The following LRRC4B variants were observed in gnomAD, a reference collection of about 807,000 sequenced individuals.
LRRC4B encodes the protein leucine-rich repeat-containing protein 4B.
Under a neutral mutation model 7.3 loss-of-function variants are expected in LRRC4B, and 1 was observed. The observed-to-expected ratio is 0.14, with a 90% CI of 0.05 to 0.65. The LOEUF is 0.65. Ranked by LOEUF, LRRC4B falls within the 30% of genes least tolerant of loss-of-function variation. The pLI, the probability that LRRC4B is intolerant of heterozygous loss-of-function variation, is 0.84. For synonymous variants in LRRC4B, 500 were observed against 499.2 expected, an observed-to-expected ratio of 1.00 and a Z score of -0.02; for missense variants, 730 against 1,041.6, an observed-to-expected ratio of 0.70 and a Z score of 4.12.
intron 2 of LRRC4B, among the ~76,000 whole-genome samples, chr19:50,535,948 A>G (rs11880845): frequency 1.5e-3 from 233 of 152,342 alleles, no homozygotes; most frequent in African/African-American, 5.3e-3. Flanking sequence ...GGCATGTGCA[A>G]GACCAAGCAA....
intron 1 of LRRC4B, among the ~76,000 whole-genome samples, chr19:50,561,005 C>G (rs1004831120): frequency 6.6e-6 from 1 of 152,104 alleles, no homozygotes; most frequent in Admixed American, 6.6e-5. Context: ...ACAGGAGAAT[C>G]GCTTGAACCT....
chr19:50,525,133 G>A (rs936930919), intron 2 of LRRC4B, among the ~76,000 whole-genome samples: 2 of 152,164 alleles, frequency 1.3e-5, no homozygotes. Context: ...GAAGAGCAGA[G>A]CCCTGTTCAA....
chr19:50,517,774 C>A lies in LRRC4B; in HGVS notation c.1939G>T (p.Asp647Tyr), dbSNP rs1474315071. The stretch of plus-strand genomic sequence containing the variant: ...AGGGCGGGCAGGGCCAGGTGGCTGT[C>A]CCCGCCCACACCACCCCCACTGGCC... ...AVASGGGVGG[D>Y]SHLALPALER... is the part of the protein sequence containing the mutation. Residue 647 changes from aspartate to tyrosine, a missense_variant, in exon 3 of 3, where the codon GAC (aspartate) becomes TAC (tyrosine). Around this residue, in one of 6 missense-constraint regions of LRRC4B, gnomAD observed 160 missense variants for 163.9 expected, o/e 0.98. Transcript: ENST00000652263. This position sits in a 1 kb window ranked among gnomAD's most constrained non-coding sequence, Gnocchi z 6.6. 3 of 1,526,386 alleles carry A rather than the reference C, an allele frequency of 2.0e-6. No homozygotes were observed. The Admixed American group carries it at 6.7e-5, about 34-fold the overall frequency. 94.6% of individuals were successfully genotyped at this position (1,526,386 alleles called of 1,614,324 possible).
intron 1 of LRRC4B, among the ~76,000 whole-genome samples, chr19:50,564,781 G>A (rs1481382999): frequency 6.6e-6 from 1 of 152,004 alleles, no homozygotes; most frequent in African/African-American, 2.4e-5. Context: ...TACACAGCAG[G>A]TGTCCTAGCA....
chr19:50,527,247 C>T (rs557390500), intron 2 of LRRC4B, among the ~76,000 whole-genome samples: 24 of 151,272 alleles, frequency 1.6e-4, no homozygotes, highest in East Asian at 1.4e-3. Context: ...TTAGCCAGGA[C>T]GGTCTCGATC....
chr19:50,523,915 C>G (rs1363902564), intron 2 of LRRC4B, among the ~76,000 whole-genome samples: 1 of 151,918 alleles, frequency 6.6e-6, no homozygotes, highest in East Asian at 1.9e-4. Context: ...GCCAAGATCG[C>G]CCAGTTGCAC....
chr19:50,547,666 A>C (rs1380743665), intron 2 of LRRC4B, among the ~76,000 whole-genome samples: 1 of 147,884 alleles, frequency 6.8e-6, no homozygotes, highest in Non-Finnish European at 1.5e-5. Context: ...AGTGGCCGGA[A>C]ATGCTGGTAA....
At chr19:50,561,458 C>T (rs1982459178) in intron 1 of LRRC4B, among the ~76,000 whole-genome samples, 1 of 151,762 alleles carries the variant, frequency 6.6e-6, no homozygotes, top group South Asian at 2.1e-4. Flanking sequence ...GACTTGTTGG[C>T]CGTGGTGGCT....
chr19:50,526,730 A>G lies in LRRC4B; in HGVS notation c.298-7315T>C, dbSNP rs1980823440. 2.0e-5 allele frequency among the ~76,000 whole-genome samples: 3 copies of G among 152,252 alleles called. No individual in the cohort carries two copies. The South Asian group carries it at 6.2e-4, about 32-fold the overall frequency. On this transcript the variant is annotated intron_variant, in intron 2 of 2. Transcript: ENST00000652263. ...TATATACTCATTTAGGAAAAAATGT[A>G]TGAGAAGAAAATAAAAATTGGCCAA...
At chr19:50,538,290 T>A (rs1981378882) in intron 2 of LRRC4B, among the ~76,000 whole-genome samples, 1 of 152,156 alleles carries the variant, frequency 6.6e-6, no homozygotes, top group East Asian at 1.9e-4. Context: ...TTCCAATTCC[T>A]GACCTCAGGT....
intron 2 of LRRC4B, among the ~76,000 whole-genome samples, chr19:50,545,951 T>C (rs1026807563): frequency 6.6e-6 from 1 of 151,876 alleles, no homozygotes; most frequent in African/African-American, 2.4e-5. Flanking sequence ...CTTGAACTCC[T>C]GGGCTCAAGC....
At position 50,518,264 on chromosome 19, in the gene LRRC4B, G is replaced by GCCGCCACTGCCCCCTCCAACA. The variant is rs753221045; in HGVS notation, c.1428_1448dup (p.Val477_Gly483dup). 20 of 1,599,240 alleles carry GCCGCCACTGCCCCCTCCAACA rather than the reference G, an allele frequency of 1.3e-5. No homozygotes were observed. In the East Asian group the frequency reaches 3.4e-4, roughly 27 times the overall value. On this transcript the variant is annotated inframe_insertion, in exon 3 of 3. Transcript: ENST00000652263. Reference sequence around the variant, plus strand: ...CGGTCACCGTGGTGAAGTAGGTGTAGCCGCCACTGCCCCCTCCAACACCAC... The same window carrying GCCGCCACTGCCCCCTCCAACA: ...CGGTCACCGTGGTGAAGTAGGTGTAGCCGCCACTGCCCCCTCCAACACCGCCACTGCCCCCTCCAACACCAC...
At position 50,537,488 on chromosome 19, in the gene LRRC4B, C is replaced by T. The variant is rs1234235853; in HGVS notation, c.297+11054G>A. ...GGTGACTCAACGCCTTAGCGTCATT[C>T]GTGGAGGGGAGAACGCGGGTCTTGT... On this transcript the variant is annotated intron_variant, in intron 2 of 2. Transcript: ENST00000652263. The surrounding 1 kb of genome is among the most constrained non-coding windows in gnomAD (Gnocchi z 5.5). 3.3e-5 allele frequency among the ~76,000 whole-genome samples: 5 copies of T among 152,288 alleles called. No individual in the cohort carries two copies. Among genetic ancestry groups the T allele is most frequent in the South Asian group, 2.1e-4 (1 of 4,822 alleles).
In LRRC4B at chr19:50,553,430, C is replaced by T. The variant is rs753368579; in HGVS notation, c.-35-4557G>A. 5.9e-5 allele frequency among the ~76,000 whole-genome samples: 9 copies of T among 152,216 alleles called. No individual in the cohort carries two copies. Among genetic ancestry groups the T allele is most frequent in the African/African-American group, 1.2e-4 (5 of 41,458 alleles). On this transcript the variant is annotated intron_variant, in intron 1 of 2. Transcript: ENST00000652263. This position sits in a 1 kb window ranked among gnomAD's most constrained non-coding sequence, Gnocchi z 4.2. Reference sequence around the variant, plus strand: ...CGCTTCCCTCCTCCCCCTGCTCACTCGCTGTTTCCAGAACAGGCCGTGCAC... The same window carrying T: ...CGCTTCCCTCCTCCCCCTGCTCACTTGCTGTTTCCAGAACAGGCCGTGCAC...
chr19:50,534,284 G>A (rs1981171911), intron 2 of LRRC4B, among the ~76,000 whole-genome samples: 1 of 151,624 alleles, frequency 6.6e-6, no homozygotes, highest in African/African-American at 2.4e-5. Flanking sequence ...GCCCCTCCAA[G>A]GCCTGATTTG....
rs1300150055 is a variant in LRRC4B at position 50,563,089 on chromosome 19, A to AC, written c.-36+4854dup. Among the ~76,000 whole-genome samples, 1 of 150,100 alleles carries AC rather than the reference A, an allele frequency of 6.7e-6. No homozygotes were observed. Among genetic ancestry groups the AC allele is most frequent in the Non-Finnish European group, 1.5e-5 (1 of 67,486 alleles). ...ACCAGGATCCCAGATACTACCAGAC[A>AC]CCCCCCATTCTCACTCTCAGCAGCC... On this transcript the variant is annotated intron_variant, in intron 1 of 2. Coordinates refer to ENST00000652263, the MANE Select transcript of LRRC4B (RefSeq NM_001080457.2). This position sits in a 1 kb window ranked among gnomAD's most constrained non-coding sequence, Gnocchi z 4.9.
chr19:50,520,217 A>G (rs1980499581), intron 2 of LRRC4B, among the ~76,000 whole-genome samples: 1 of 46,080 alleles, frequency 2.2e-5, no homozygotes, highest in Non-Finnish European at 3.8e-5. Flanking sequence ...AAAAAAAAAA[A>G]AAAAAAAAAA....
intron 2 of LRRC4B, among the ~76,000 whole-genome samples, chr19:50,543,870 A>AAG (rs1555807855): frequency 1.3e-4 from 18 of 138,996 alleles, no homozygotes; most frequent in African/African-American, 4.0e-4. Context: ...AAAAAAAAAA[A>AAG]AAAGAAAGAA....
At chr19:50,546,882 G>A (rs941237028) in intron 2 of LRRC4B, among the ~76,000 whole-genome samples, 7 of 152,280 alleles carry the variant, frequency 4.6e-5, no homozygotes, top group East Asian at 1.9e-4. Context: ...CTGGCGTGCC[G>A]TCCCAGCCAC....
Sources: gnomAD v4.1 joint callset for allele counts (sites outside exome capture counted in the v4.1 genomes callset) on GRCh38, gnomAD v4.1.1 for gene constraint, gnomAD v4.1.1 regional missense constraint, Gnocchi (gnomAD v3.1) non-coding constraint, MANE v1.5 for transcripts, NCBI Gene and HGNC (gene_info 2026-07-23, HGNC 2026-07-21) for gene names.